The following ZNF474 variants were observed in gnomAD, a reference collection of about 807,000 sequenced individuals.
The protein encoded by ZNF474 is 4933409D10Rik.
For synonymous variants in ZNF474, 192 were observed against 162.2 expected, an observed-to-expected ratio of 1.18 and a Z score of -1.39; for missense variants, 511 against 433.8, an observed-to-expected ratio of 1.18 and a Z score of -1.58.
At chr5:122,133,342 C>T (rs1183630368) in intron 1 of ZNF474, among the ~76,000 whole-genome samples, 1 of 152,100 alleles carries the variant, frequency 6.6e-6, no homozygotes, top group Non-Finnish European at 1.5e-5. Context: ...CTCACAATTA[C>T]AGAGAAAAAT....
In ZNF474 at chr5:122,153,189, C is replaced by T; in HGVS notation, c.*104C>T. 1 of 1,435,202 alleles carries T rather than the reference C, an allele frequency of 7.0e-7. No homozygotes were observed. The highest frequency in any genetic ancestry group is 9.4e-7 in the Non-Finnish European group (1 of 1,066,630). The allele number at this position is 1,435,202 out of a possible 1,614,324, so 88.9% of individuals were successfully genotyped here. A position where few individuals can be genotyped will look rare whatever the true frequency, so the allele number is the denominator to read the frequency against. ...CAAAGCAGCCTGTTCAAGTTAACTC[C>T]CTGTTGAACTCCAGGGCCTATACCT... is the stretch of plus-strand genomic sequence containing the variant. On this transcript the variant is annotated 3_prime_UTR_variant, in exon 2 of 2. Transcript: ENST00000296600.
intron 1 of ZNF474, among the ~76,000 whole-genome samples, chr5:122,151,247 C>T (rs1048927164): frequency 3.9e-5 from 6 of 152,150 alleles, no homozygotes; most frequent in African/African-American, 1.4e-4. Flanking sequence ...GTGATAGCAA[C>T]AATTTTTATT....
chr5:122,141,147 TTTATTTTATTTTATTTTATTTTATTTTTG>T (rs747385514), intron 1 of ZNF474, among the ~76,000 whole-genome samples: 66,335 of 136,448 alleles, frequency 0.49, 20,047 homozygotes, highest in Non-Finnish European at 0.62. Flanking sequence ...TTTATTTTAT[TTTATTTTATTTTATTTTATTTTATTTTTG>T]GAAACAGTCT....
intron 1 of ZNF474, among the ~76,000 whole-genome samples, chr5:122,141,461 A>G (rs377425013): frequency 3.9e-5 from 6 of 151,910 alleles, no homozygotes; most frequent in East Asian, 1.9e-4. Flanking sequence ...GGCATGTGCC[A>G]CCATACCTGG....
At chr5:122,129,994 A>AAAAAT (rs1234196152) in intron 1 of ZNF474, among the ~76,000 whole-genome samples, 1 of 152,212 alleles carries the variant, frequency 6.6e-6, no homozygotes, top group Non-Finnish European at 1.5e-5. Context: ...CTAATACCTA[A>AAAAAT]AAAATAATAA....
chr5:122,132,118 G>A (rs182573353), intron 1 of ZNF474, among the ~76,000 whole-genome samples: 12 of 151,994 alleles, frequency 7.9e-5, no homozygotes, highest in Admixed American at 3.3e-4. Context: ...TGACTTTTTC[G>A]GCAGCACATT....
chr5:122,141,154 T>TATTTG (rs1755832963), intron 1 of ZNF474, among the ~76,000 whole-genome samples: 1 of 40,540 alleles, frequency 2.5e-5, no homozygotes, highest in Non-Finnish European at 1.1e-4. Flanking sequence ...TATTTTATTT[T>TATTTG]ATTTTATTTT....
Position 122,153,427 on chromosome 5 carries a change from T to C in ZNF474, c.*342T>C, listed in dbSNP as rs12658464. The C allele has an allele frequency of 0.33, 75,581 of 230,732 alleles. 13,077 individuals carry two copies. The highest frequency in any genetic ancestry group is 0.46 in the African/African-American group (20,043 of 43,702). 14.3% of individuals were successfully genotyped at this position (230,732 alleles called of 1,614,324 possible). A position where few individuals can be genotyped will look rare whatever the true frequency, so the allele number is the denominator to read the frequency against. ...CCATTCCAACAGCCAATATTTATTGTCGGTTTATTTTAGTCATCTACCTTA... is the reference window on the plus strand; with the variant it reads ...CCATTCCAACAGCCAATATTTATTGCCGGTTTATTTTAGTCATCTACCTTA... On this transcript the variant is annotated 3_prime_UTR_variant, in exon 2 of 2. Coordinates refer to ENST00000296600, the MANE Select transcript of ZNF474 (RefSeq NM_207317.3).
At chr5:122,141,029 G>T (rs1755825602) in intron 1 of ZNF474, among the ~76,000 whole-genome samples, 2 of 151,912 alleles carry the variant, frequency 1.3e-5, no homozygotes, top group African/African-American at 2.4e-5. Flanking sequence ...TCCATTTTAG[G>T]TTAGGATTCC....
At chr5:122,147,953 G>A (rs530911716) in intron 1 of ZNF474, 1 of 152,164 alleles carries the variant, frequency 6.6e-6, no homozygotes, top group Non-Finnish European at 1.5e-5. Context: ...TGCAGATATG[G>A]TCAAAACGAA....
chr5:122,134,949 T>C (rs1268978504), intron 1 of ZNF474, among the ~76,000 whole-genome samples: 1 of 152,246 alleles, frequency 6.6e-6, no homozygotes, highest in Non-Finnish European at 1.5e-5. Context: ...CAAAGACTTA[T>C]TGAGTAAGAT....
intron 1 of ZNF474, among the ~76,000 whole-genome samples, chr5:122,142,177 C>T (rs1468767770): frequency 6.6e-6 from 1 of 152,032 alleles, no homozygotes; most frequent in African/African-American, 2.4e-5. Flanking sequence ...TTGGGTTGTC[C>T]TAAACTTAAA....
rs747875906 is a variant in ZNF474, at chr5:122,152,151, T to A, written c.161T>A (p.Ile54Lys). The A allele has an allele frequency of 6.2e-6, 10 of 1,614,028 alleles. No individual in the cohort carries two copies. In the East Asian group the frequency reaches 2.2e-4, roughly 36 times the overall value. ...GAGAGTGTTAATCCTGGTGAAAATA[T>A]AAAGACAGACACTCAGAAAAAGAGA... is the stretch of plus-strand genomic sequence containing the variant. ...ETESVNPGEN[I>K]KTDTQKKRPG... The change falls in exon 2 of 2, where the codon ATA becomes AAA. Residue 54 changes from isoleucine to lysine, a missense_variant. Ile to Lys is a moderately radical substitution (Grantham distance 102). Transcript: ENST00000296600.
intron 1 of ZNF474, among the ~76,000 whole-genome samples, chr5:122,134,781 G>T (rs1755659860): frequency 6.6e-6 from 1 of 152,160 alleles, no homozygotes; most frequent in South Asian, 2.1e-4. Flanking sequence ...TTAGAAGGGA[G>T]ATGACTAGAT....
At chr5:122,135,800 T>C (rs564026452) in intron 1 of ZNF474, among the ~76,000 whole-genome samples, 1 of 152,274 alleles carries the variant, frequency 6.6e-6, no homozygotes, top group African/African-American at 2.4e-5. Flanking sequence ...CAATGGAATA[T>C]TATTCAGCCA....
intron 1 of ZNF474, among the ~76,000 whole-genome samples, chr5:122,131,326 A>G (rs926376086): frequency 3.3e-5 from 5 of 149,724 alleles, no homozygotes; most frequent in Non-Finnish European, 4.5e-5. Context: ...ATCCAAAGAA[A>G]ATGAAATTAG....
intron 1 of ZNF474, among the ~76,000 whole-genome samples, chr5:122,140,735 C>G (rs1222136165): frequency 6.6e-6 from 1 of 152,192 alleles, no homozygotes; most frequent in East Asian, 1.9e-4. Context: ...CACTCTTCTA[C>G]CTGTGGAGAA....
At chr5:122,141,182 A>T (rs1755835803) in intron 1 of ZNF474, among the ~76,000 whole-genome samples, 1 of 131,278 alleles carries the variant, frequency 7.6e-6, no homozygotes, top group Admixed American at 7.8e-5. Context: ...TTTTGGAAAC[A>T]GTCTATTGCT....
rs79886184 is a variant in ZNF474 at position 122,152,585 on chromosome 5, T to C, written c.595T>C (p.Ser199Pro). 3,152 of 1,614,096 alleles carry C rather than the reference T, an allele frequency of 2.0e-3. 56 individuals are homozygous for C. The African/African-American group carries it at 0.034, about 17-fold the overall frequency. Residue 199 changes from serine to proline, a missense_variant, in exon 2 of 2, where the codon TCA becomes CCA. Transcript: ENST00000296600. Reference sequence around the variant, plus strand: ...GGGTGAGGGTCCCAGAGCACCACACTCAAACAGTTCTGATCATCTTACTGG... The same window carrying C: ...GGGTGAGGGTCCCAGAGCACCACACCCAAACAGTTCTGATCATCTTACTGG... ...PKGEGPRAPH[S>P]NSSDHLTGLK...
Sources: allele counts gnomAD v4.1 joint callset (sites outside exome capture counted in the v4.1 genomes callset), GRCh38; gene constraint gnomAD v4.1.1; transcripts MANE v1.5; gene names NCBI Gene and HGNC (gene_info 2026-07-23, HGNC 2026-07-21).